SLC24A2: variants seen among roughly 807,000 people sequenced by gnomAD.
SLC24A2 encodes sodium/potassium/calcium exchanger 2.
A neutral mutation model predicts 62.0 loss-of-function variants in SLC24A2; 36 were observed. The observed-to-expected ratio is 0.58, with a 90% CI of 0.44 to 0.77. The LOEUF is 0.77. SLC24A2 is among the 30% of genes least tolerant of loss of function. The pLI is 0.00. For synonymous variants in SLC24A2, 358 were observed against 294.0 expected, an observed-to-expected ratio of 1.22 and a Z score of -2.23; for missense variants, 846 against 817.9, an observed-to-expected ratio of 1.03 and a Z score of -0.42.
At position 19,513,989 on chromosome 9, in the gene SLC24A2, G is replaced by A. The variant is rs1832833082; in HGVS notation, c.*2164C>T. 6.6e-6 allele frequency: 1 copy of A among 152,186 alleles called. No homozygotes were observed. Among genetic ancestry groups the A allele is most frequent in the African/African-American group, 2.4e-5 (1 of 41,444 alleles). 9.4% of individuals were successfully genotyped at this position (152,186 alleles called of 1,614,324 possible). On this transcript the variant is annotated 3_prime_UTR_variant, in exon 11 of 11. Coordinates refer to ENST00000341998, the MANE Select transcript of SLC24A2 (RefSeq NM_020344.4). ...CGCCTCTATTGGATGGTGTTTCAAT[G>A]TCTTGGAAGGCATTGTCCCACATCT...
intron 8 of SLC24A2, among the ~76,000 whole-genome samples, chr9:19,535,009 C>G (rs930521834): frequency 6.6e-6 from 1 of 152,200 alleles, no homozygotes; most frequent in African/African-American, 2.4e-5. Context: ...ACCACATCCT[C>G]TCCAGCACCT....
At chr9:20,247,853 G>C in the SLC24A2 span, among the ~76,000 whole-genome samples, 7 of 152,174 alleles carry the variant, frequency 4.6e-5, no homozygotes, top group Non-Finnish European at 8.8e-5. Flanking sequence ...ACTTAGGAAA[G>C]GATTCTAACC....
intron 8 of SLC24A2, among the ~76,000 whole-genome samples, chr9:19,541,746 T>G (rs1399269738): frequency 1.3e-5 from 2 of 148,640 alleles, no homozygotes; most frequent in African/African-American, 5.0e-5. Context: ...AGTTCGAGCT[T>G]CCCGGCTGCT....
chr9:20,097,852 C>T, the SLC24A2 span, among the ~76,000 whole-genome samples: 1 of 146,480 alleles, frequency 6.8e-6, no homozygotes, highest in Non-Finnish European at 1.5e-5. Context: ...ACGCCATTCT[C>T]CTGCCTCAGA....
At chr9:20,199,946 G>C in the SLC24A2 span, among the ~76,000 whole-genome samples, 232 of 149,844 alleles carry the variant, frequency 1.5e-3, 2 homozygotes, top group African/African-American at 5.5e-3. Context: ...GGCCAGGCTG[G>C]TCTTGAACTC....
the SLC24A2 span, among the ~76,000 whole-genome samples, chr9:19,820,082 T>C: frequency 7.3e-4 from 98 of 133,606 alleles, no homozygotes; most frequent in African/African-American, 1.2e-3. Context: ...TATATATATA[T>C]ACAATGGAAT....
chr9:19,563,996 G>A (rs1455335823), intron 7 of SLC24A2, among the ~76,000 whole-genome samples: 1 of 151,720 alleles, frequency 6.6e-6, no homozygotes, highest in Non-Finnish European at 1.5e-5. Context: ...TAGAACCACA[G>A]GTGCACACCA....
At chr9:19,692,819 T>A (rs1820081045) in intron 2 of SLC24A2, among the ~76,000 whole-genome samples, 1 of 152,152 alleles carries the variant, frequency 6.6e-6, no homozygotes, top group Non-Finnish European at 1.5e-5. Context: ...AAGTGCTCGA[T>A]AAAAATTTGT....
chr9:20,230,126 T>C, the SLC24A2 span, among the ~76,000 whole-genome samples: 1 of 152,166 alleles, frequency 6.6e-6, no homozygotes, highest in Non-Finnish European at 1.5e-5. Context: ...CTTAATCCAG[T>C]CTATTGTTGT....
chr9:19,617,711 T>C (rs879228849), intron 4 of SLC24A2, among the ~76,000 whole-genome samples: 1 of 152,218 alleles, frequency 6.6e-6, no homozygotes, highest in Non-Finnish European at 1.5e-5. Flanking sequence ...AGAACTCTCC[T>C]GACTTTGAGG....
At chr9:19,544,722 G>A (rs1336750835) in intron 8 of SLC24A2, among the ~76,000 whole-genome samples, 1 of 152,162 alleles carries the variant, frequency 6.6e-6, no homozygotes, top group Non-Finnish European at 1.5e-5. Context: ...ATTCTGGGTT[G>A]AAAATTCTTT....
At chr9:19,605,234 A>C (rs1476822522) in intron 4 of SLC24A2, among the ~76,000 whole-genome samples, 2 of 152,234 alleles carry the variant, frequency 1.3e-5, no homozygotes, top group African/African-American at 4.8e-5. Context: ...AGAATTAAAA[A>C]ATTAATAGAG....
At chr9:19,716,215 T>C (rs1820855630) in intron 2 of SLC24A2, among the ~76,000 whole-genome samples, 1 of 152,158 alleles carries the variant, frequency 6.6e-6, no homozygotes, top group African/African-American at 2.4e-5. Flanking sequence ...CAAGATACCA[T>C]GTGCAACACG....
intron 2 of SLC24A2, among the ~76,000 whole-genome samples, chr9:19,655,428 A>G (rs1818918042): frequency 6.6e-6 from 1 of 152,210 alleles, no homozygotes; most frequent in African/African-American, 2.4e-5. Context: ...AGAGCAAAAA[A>G]TATGTTCAAA....
chr9:19,973,535 G>A, the SLC24A2 span, among the ~76,000 whole-genome samples: 1 of 152,152 alleles, frequency 6.6e-6, no homozygotes, highest in Admixed American at 6.5e-5. Flanking sequence ...CTTAGATTTG[G>A]GTCCTGCCTT....
At chr9:19,713,712 A>G (rs1244148460) in intron 2 of SLC24A2, among the ~76,000 whole-genome samples, 1 of 152,192 alleles carries the variant, frequency 6.6e-6, no homozygotes, top group East Asian at 1.9e-4. Context: ...AAGCCTATCA[A>G]TTCAGTAACT....
At chr9:20,066,362 A>G in the SLC24A2 span, among the ~76,000 whole-genome samples, 1 of 152,192 alleles carries the variant, frequency 6.6e-6, no homozygotes, top group Non-Finnish European at 1.5e-5. Context: ...CTCTGCAACA[A>G]ATAGCTTTGA....
chr9:19,761,495 A>G (rs1263307997), intron 2 of SLC24A2, among the ~76,000 whole-genome samples: 1 of 125,550 alleles, frequency 8.0e-6, no homozygotes, highest in African/African-American at 3.2e-5. Flanking sequence ...TTATTTTATT[A>G]TTATACTTTA....
At chr9:19,543,948 G>C (rs900493432) in intron 8 of SLC24A2, among the ~76,000 whole-genome samples, 1 of 152,100 alleles carries the variant, frequency 6.6e-6, no homozygotes, top group South Asian at 2.1e-4. Flanking sequence ...TATTAGGTCT[G>C]CTTGTTCCAG....
Sources: gnomAD v4.1 joint callset for allele counts (sites outside exome capture counted in the v4.1 genomes callset) on GRCh38, gnomAD v4.1.1 for gene constraint, MANE v1.5 for transcripts, NCBI Gene and HGNC (gene_info 2026-07-23, HGNC 2026-07-21) for gene names.